The following ACACA variants were observed in gnomAD, a reference collection of about 807,000 sequenced individuals.
The protein encoded by ACACA is acetyl-CoA carboxylase alpha.
Under a neutral mutation model 296.1 loss-of-function variants are expected in ACACA, and 103 were observed. The observed-to-expected ratio is 0.35, with a 90% confidence interval of 0.30 to 0.41. The LOEUF is 0.41. Among genes scored for constraint, ACACA ranks in the 10% least tolerant of loss-of-function variants. The probability of loss-of-function intolerance (pLI) is 1.00; values close to 1 mark genes in which losing one functional copy is unlikely to be tolerated. For synonymous variants in ACACA, 953 were observed against 1,038.6 expected, an observed-to-expected ratio of 0.92 and a Z score of 1.58; for missense variants, 1,554 against 2,989.7, an observed-to-expected ratio of 0.52 and a Z score of 11.20.
intron 33 of ACACA, among the ~76,000 whole-genome samples, chr17:37,204,615 A>G (rs1229533296): frequency 2.0e-5 from 3 of 152,236 alleles, no homozygotes; most frequent in Non-Finnish European, 4.4e-5. Flanking sequence ...CATTTTAGTT[A>G]GGGCTACTCA....
chr17:37,381,734 T>A (rs570537672), intron 1 of ACACA, among the ~76,000 whole-genome samples: 2 of 151,182 alleles, frequency 1.3e-5, no homozygotes, highest in East Asian at 3.9e-4. Context: ...TTCACGCCAT[T>A]CTCCTGCCTC....
intron 2 of ACACA, among the ~76,000 whole-genome samples, chr17:37,339,265 C>A (rs928718430): frequency 1.3e-5 from 2 of 152,210 alleles, no homozygotes; most frequent in African/African-American, 4.8e-5. Flanking sequence ...TGACCACACA[C>A]AAAAGAGAAA....
At chr17:37,161,698 A>C (rs1260920603) in intron 42 of ACACA, 83 bp downstream of exon 42, 18 of 1,526,154 alleles carry the variant, frequency 1.2e-5, no homozygotes, top group Non-Finnish European at 1.6e-5. Context: ...TTTTGAACTT[A>C]AACCTCTACC....
chr17:37,256,348 TA>T (rs1475301278), intron 14 of ACACA, among the ~76,000 whole-genome samples: 2 of 152,204 alleles, frequency 1.3e-5, no homozygotes, highest in Non-Finnish European at 2.9e-5. Context: ...AGCAGTGTTT[TA>T]ATTTTGAAAA....
rs984417730 is a variant in ACACA at position 37,301,185 on chromosome 17, G to A, written c.339-16215C>T. 4.6e-5 allele frequency among the ~76,000 whole-genome samples: 7 copies of A among 152,178 alleles called. No individual in the cohort carries two copies. In the East Asian group the frequency reaches 1.4e-3, roughly 29 times the overall value. On this transcript the variant is annotated intron_variant, in intron 3 of 55. Transcript: ENST00000616317. ...CCTTTCACCAAACGGATCTTTCTAC[G>A]ACAACCAAACACTAACACAGCATAC... is the stretch of plus-strand genomic sequence containing the variant.
chr17:37,197,896 C>T (rs2078076340), intron 35 of ACACA, among the ~76,000 whole-genome samples: 1 of 152,206 alleles, frequency 6.6e-6, no homozygotes, highest in African/African-American at 2.4e-5. Flanking sequence ...AGCAGCTTTT[C>T]CTACACTCAT....
chr17:37,233,309 G>A (rs1342497762), intron 25 of ACACA, among the ~76,000 whole-genome samples: 1 of 152,186 alleles, frequency 6.6e-6, no homozygotes, highest in African/African-American at 2.4e-5. Flanking sequence ...AATTCTCAGA[G>A]GAAATATGGC....
intron 50 of ACACA, among the ~76,000 whole-genome samples, chr17:37,120,069 T>A (rs999559205): frequency 2.0e-5 from 3 of 151,678 alleles, no homozygotes; most frequent in Non-Finnish European, 2.9e-5. Context: ...AATTTTGTAT[T>A]TTTTGTAGAG....
rs1377341025 is a variant in ACACA, at chr17:37,113,110, T to A, written c.6430A>T (p.Met2144Leu). ...TACCTGCTTTCTCGGTCAGCATACA[T>A]CTCCATGTGCCGGGGGTTGATGGAG... ...DSSINPRHMEMYADRESRGSV... is the reference protein window; with the variant it reads ...DSSINPRHMELYADRESRGSV... The change falls in exon 51 of 56, where the codon ATG becomes TTG. Residue 2144 changes from methionine to leucine, a missense_variant. Physicochemically the swap from Met to Leu is conservative, Grantham distance 15. This residue lies in a region of ACACA where 553 missense variants were observed against 1,043.6 expected (regional missense o/e 0.53). Coordinates refer to ENST00000616317, the MANE Select transcript of ACACA (RefSeq NM_198834.3). The surrounding 1 kb of genome is among the most constrained non-coding windows in gnomAD (Gnocchi z 4.0). 8.1e-6 allele frequency: 13 copies of A among 1,613,948 alleles called. No homozygotes were observed. Among genetic ancestry groups the A allele is most frequent in the Non-Finnish European group, 1.0e-5 (12 of 1,179,974 alleles).
At chr17:37,386,023 A>T (rs1568088043) in intron 1 of ACACA, 1 of 1,591,392 alleles carries the variant, frequency 6.3e-7, no homozygotes, top group Non-Finnish European at 8.6e-7. Flanking sequence ...TTTACCAGGG[A>T]TCTCACAATG....
intron 44 of ACACA, among the ~76,000 whole-genome samples, chr17:37,150,521 AAC>A (rs1464363458): frequency 4.0e-5 from 6 of 149,912 alleles, no homozygotes; most frequent in Non-Finnish European, 8.8e-5. Context: ...CATCCTGGGC[AAC>A]AGAGTGAGAC....
chr17:37,395,824 C>T (rs942569388), intron 1 of ACACA, among the ~76,000 whole-genome samples: 4 of 151,888 alleles, frequency 2.6e-5, no homozygotes, highest in East Asian at 3.9e-4. Flanking sequence ...ATTATAGGCG[C>T]GAGCCACCGC....
rs1179519782 is a variant in ACACA, at chr17:37,085,030, T to TAAAG, written c.*2282_*2285dup. On this transcript the variant is annotated 3_prime_UTR_variant, in exon 56 of 56. Transcript: ENST00000616317. The stretch of plus-strand genomic sequence containing the variant: ...TAGAGGTTTATTTCAACAAAATGTG[T>TAAAG]AAAGAGTGCATCTGAAGCTCCTGCT... 1 of 152,726 alleles carries TAAAG rather than the reference T, an allele frequency of 6.5e-6. No homozygotes were observed. The highest frequency in any genetic ancestry group is 1.5e-5 in the Non-Finnish European group (1 of 68,078). 9.5% of individuals were successfully genotyped at this position (152,726 alleles called of 1,614,324 possible).
chr17:37,406,273 G>C lies in ACACA; in HGVS notation c.27C>G (p.Ile9Met). Residue 9 changes from isoleucine (I) to methionine (M), a missense_variant, in exon 1 of 56, where the codon ATC (isoleucine) becomes ATG (methionine). Ile to Met is a conservative substitution (Grantham distance 10). Around this residue, in one of 16 missense-constraint regions of ACACA, gnomAD observed 140 missense variants for 147.7 expected, o/e 0.95. Transcript: ENST00000616317. ...ATCTTGGGACATACCTAGCCCTCAAGATTGACATCAGAGTAGACCACCACA... is the reference window on the plus strand; with the variant it reads ...ATCTTGGGACATACCTAGCCCTCAACATTGACATCAGAGTAGACCACCACA... Reference protein sequence around the residue: MWWSTLMSILRARSFWKWI... With the variant: MWWSTLMSMLRARSFWKWI... 6.2e-7 allele frequency: 1 copy of C among 1,614,192 alleles called. No individual in the cohort carries two copies. The highest frequency in any genetic ancestry group is 1.3e-5 in the African/African-American group (1 of 75,068).
At chr17:37,188,514 A>C in intron 38 of ACACA, 34 bp from the exon 39 acceptor site, 1 of 1,606,798 alleles carries the variant, frequency 6.2e-7, no homozygotes, top group Non-Finnish European at 8.5e-7. Flanking sequence ...ACAAAACTTA[A>C]ATATCTTCTA....
In ACACA at chr17:37,284,993, A is replaced by AAAACACC. The variant is rs1218760954; in HGVS notation, c.339-30_339-24dup. 3.1e-6 allele frequency: 5 copies of AAAACACC among 1,613,976 alleles called. No individual in the cohort carries two copies. The African/African-American group carries it at 4.0e-5, about 13-fold the overall frequency. ...GACCTATAAAAATACAGAAGCCATA[A>AAAACACC]AAACACCACCTATATTTTCTGGAGA... On this transcript the variant is annotated intron_variant, in intron 3 of 55. Transcript: ENST00000616317.
At chr17:37,203,441 TATA>T (rs2078362182) in intron 33 of ACACA, among the ~76,000 whole-genome samples, 1 of 151,822 alleles carries the variant, frequency 6.6e-6, no homozygotes, top group Non-Finnish European at 1.5e-5. Flanking sequence ...AGCAGCCACA[TATA>T]ATATTAAGAC....
In ACACA at chr17:37,332,875, A is replaced by G. The variant is rs537234597; in HGVS notation, c.86-2450T>C. ...CAGTGAGCTGAGATCATGCCTCTGCACTCCAGCCTGGGTGACAGAGTGAGA... is the reference window on the plus strand; with the variant it reads ...CAGTGAGCTGAGATCATGCCTCTGCGCTCCAGCCTGGGTGACAGAGTGAGA... On this transcript the variant is annotated intron_variant, in intron 2 of 55. Coordinates refer to ENST00000616317, the MANE Select transcript of ACACA (RefSeq NM_198834.3). Among the ~76,000 whole-genome samples, 31 of 149,462 alleles carry G rather than the reference A, an allele frequency of 2.1e-4. 1 individual carries two copies. In the South Asian group the frequency reaches 4.3e-3, roughly 21 times the overall value.
intron 48 of ACACA, 61 bp downstream of exon 48, chr17:37,125,637 C>CTCTT: frequency 7.4e-7 from 1 of 1,355,576 alleles, no homozygotes; most frequent in East Asian, 2.3e-5. Context: ...AGAGCCATGG[C>CTCTT]TCTTTCTTTC....
Sources: gnomAD v4.1 joint callset for allele counts (sites outside exome capture counted in the v4.1 genomes callset) on GRCh38, gnomAD v4.1.1 for gene constraint, gnomAD v4.1.1 regional missense constraint, Gnocchi (gnomAD v3.1) non-coding constraint, MANE v1.5 for transcripts, NCBI Gene and HGNC (gene_info 2026-07-23, HGNC 2026-07-21) for gene names.